ST14: variants seen among roughly 807,000 people sequenced by gnomAD.
ST14 encodes ST14 transmembrane serine protease matriptase, also known as suppressor of tumorigenicity 14 protein.
ST14 carries 40 observed loss-of-function variants against 96.5 expected under a neutral mutation model. The observed-to-expected ratio is 0.41, with a 90% CI of 0.32 to 0.54. The LOEUF is 0.54. ST14 is among the 20% of genes least tolerant of loss of function. The pLI is 0.17. For missense variants in ST14, 1,066 were observed against 1,188.9 expected, an observed-to-expected ratio of 0.90 and a Z score of 1.52; for synonymous variants, 506 against 492.1, an observed-to-expected ratio of 1.03 and a Z score of -0.37.
chr11:130,170,631 C>G (rs924319071), intron 1 of ST14, among the ~76,000 whole-genome samples: 1 of 151,740 alleles, frequency 6.6e-6, no homozygotes, highest in Non-Finnish European at 1.5e-5. Context: ...CCAGCCATTC[C>G]GAGCAGGCAG....
intron 7 of ST14, 136 bp from the exon 8 acceptor site, chr11:130,194,013 C>A: frequency 9.1e-7 from 1 of 1,103,224 alleles, no homozygotes; most frequent in Non-Finnish European, 1.4e-6. Flanking sequence ...CTTTTTGACT[C>A]CATTCTTGGC....
intron 9 of ST14, among the ~76,000 whole-genome samples, chr11:130,196,068 A>G (rs1462078418): frequency 6.8e-6 from 1 of 147,046 alleles, no homozygotes; most frequent in Non-Finnish European, 1.5e-5. Flanking sequence ...GATGAGGCAG[A>G]AGAATGGCGT....
intron 1 of ST14, among the ~76,000 whole-genome samples, chr11:130,183,793 T>C (rs1017692386): frequency 2.0e-5 from 3 of 152,218 alleles, no homozygotes; most frequent in Non-Finnish European, 4.4e-5. Flanking sequence ...GTTTCCAGTT[T>C]TTCATTGCTG....
chr11:130,159,901 G>T lies in ST14; in HGVS notation c.-79G>T, dbSNP rs1952985518. ...CGGAATCCCGCCGCCTGCGCCCCGC[G>T]CCCCGCGCCCTGCGGGCCATGGGAG... On this transcript the variant is annotated 5_prime_UTR_variant, in exon 1 of 19. Transcript: ENST00000278742. The T allele has an allele frequency of 1.1e-6, 1 of 903,426 alleles. No individual in the cohort carries two copies. Among genetic ancestry groups the T allele is most frequent in the Non-Finnish European group, 1.4e-6 (1 of 696,498 alleles). 56.0% of individuals were successfully genotyped at this position (903,426 alleles called of 1,614,324 possible). A position where few individuals can be genotyped will look rare whatever the true frequency, so the allele number is the denominator to read the frequency against.
chr11:130,197,791 G>C, intron 11 of ST14, 50 bp from the exon 12 acceptor site: 3 of 1,467,036 alleles, frequency 2.0e-6, no homozygotes, highest in Non-Finnish European at 2.8e-6. Context: ...GGGAGCCAGC[G>C]GAGGGAGGTG....
At chr11:130,200,288 C>A in intron 16 of ST14, 151 bp downstream of exon 16, 1 of 903,658 alleles carries the variant, frequency 1.1e-6, no homozygotes, top group Non-Finnish European at 1.7e-6. Context: ...ATACCTGAGA[C>A]TGGGTCATTT....
rs1037817074 is a variant in ST14, at chr11:130,183,034, G to A, written c.82-5080G>A. ...TGTAATGGCACGATTTTGGCTCACC[G>A]CAACCTCTGCCTCCTGGGTTCAAGC... On this transcript the variant is annotated intron_variant, in intron 1 of 18. Coordinates refer to ENST00000278742, the MANE Select transcript of ST14 (RefSeq NM_021978.4). Among the ~76,000 whole-genome samples the A allele has an allele frequency of 4.6e-5, 7 of 151,284 alleles. No individual in the cohort carries two copies. The East Asian group carries it at 7.8e-4, about 17-fold the overall frequency.
chr11:130,165,970 A>T (rs1953037710), intron 1 of ST14, among the ~76,000 whole-genome samples: 1 of 152,220 alleles, frequency 6.6e-6, no homozygotes, highest in Non-Finnish European at 1.5e-5. Flanking sequence ...AACTGCTAGA[A>T]CATGTTATTC....
rs561465723 is a variant in ST14, at chr11:130,194,475, C to T, written c.1016-165C>T. Among the ~76,000 whole-genome samples the T allele has an allele frequency of 2.6e-5, 4 of 152,338 alleles. No homozygotes were observed. The East Asian group carries it at 7.7e-4, about 29-fold the overall frequency. On this transcript the variant is annotated intron_variant, in intron 8 of 18. Coordinates refer to ENST00000278742, the MANE Select transcript of ST14 (RefSeq NM_021978.4). ...GCCGACCGCCTGGGTCAGGAGCCCT[C>T]CTGAAGCTTCGGCACCCGGCACCTG...
chr11:130,184,447 T>G (rs1283514374), intron 1 of ST14, among the ~76,000 whole-genome samples: 1 of 152,228 alleles, frequency 6.6e-6, no homozygotes, highest in African/African-American at 2.4e-5. Context: ...CAATACAATC[T>G]GTTTGGCTAT....
In ST14 at chr11:130,210,116, T is replaced by C; in HGVS notation, c.*293T>C. On this transcript the variant is annotated 3_prime_UTR_variant, in exon 19 of 19. Coordinates refer to ENST00000278742, the MANE Select transcript of ST14 (RefSeq NM_021978.4). The stretch of plus-strand genomic sequence containing the variant: ...CAGCCCCAAGCTGGGCCGAGGCGCG[T>C]TTGTGCATATCTGCCTCCCCTGTCT... The C allele has an allele frequency of 2.4e-6, 1 of 421,700 alleles. No individual in the cohort carries two copies. The highest frequency in any genetic ancestry group is 2.7e-5 in the South Asian group (1 of 36,866). The allele number at this position is 421,700 out of a possible 1,614,324, so 26.1% of individuals were successfully genotyped here.
intron 1 of ST14, among the ~76,000 whole-genome samples, chr11:130,161,892 C>T (rs896004630): frequency 2.0e-5 from 3 of 152,200 alleles, no homozygotes; most frequent in Non-Finnish European, 4.4e-5. Context: ...GAGACGAATG[C>T]CAAAGTTAGC....
chr11:130,208,629 C>G lies in ST14; in HGVS notation c.2214C>G (p.Val738=), dbSNP rs764559528. ...TCTGCCTGCCGGACGCCTCCCATGT[C>G]TTCCCTGCCGGCAAGGCCATCTGGG... ...RPICLPDASH[V]FPAGKAIWVT... Residue 738 remains valine (V), a synonymous_variant, in exon 17 of 19, where the codon GTC becomes GTG. Coordinates refer to ENST00000278742, the MANE Select transcript of ST14 (RefSeq NM_021978.4). 1.2e-6 allele frequency: 2 copies of G among 1,614,020 alleles called. No individual in the cohort carries two copies.
At chr11:130,162,842 A>C (rs1185047684) in intron 1 of ST14, among the ~76,000 whole-genome samples, 1 of 152,058 alleles carries the variant, frequency 6.6e-6, no homozygotes. Flanking sequence ...CAGGTCAGCA[A>C]ATTAGGGCTG....
chr11:130,194,197 C>T lies in ST14; in HGVS notation c.924C>T (p.Ser308=). ...CCTACAACCTGACCTTCCACTCCTC[C>T]CAGAACGTCCTGCTCATCACACTGA... ...PPSYNLTFHS[S]QNVLLITLIT... is the part of the protein sequence containing the mutation. Residue 308 remains serine, a synonymous_variant, in exon 8 of 19, where the codon TCC becomes TCT. Transcript: ENST00000278742. 3 of 1,614,226 alleles carry T rather than the reference C, an allele frequency of 1.9e-6. No homozygotes were observed. The highest frequency in any genetic ancestry group is 2.5e-6 in the Non-Finnish European group (3 of 1,180,040).
intron 1 of ST14, among the ~76,000 whole-genome samples, chr11:130,186,440 C>T (rs1361983809): frequency 6.6e-6 from 1 of 152,156 alleles, no homozygotes; most frequent in African/African-American, 2.4e-5. Context: ...TGAGAAAGGA[C>T]AGGCGGCTCC....
rs140209483 is a variant in ST14 at position 130,198,318 on chromosome 11, C to T, written c.1470C>T (p.Ala490=). 240 of 1,614,154 alleles carry T rather than the reference C, an allele frequency of 1.5e-4. No homozygotes were observed. In the African/African-American group the frequency reaches 2.3e-3, roughly 15 times the overall value. The change falls in exon 13 of 19, where the codon GCC becomes GCT. Residue 490 remains alanine, a synonymous_variant. Transcript: ENST00000278742. The part of the protein sequence containing the change: ...HSDELNCSCD[A]GHQFTCKNKF... ...CTTACCCCACTCCAGGTTGCGACGC[C>T]GGCCACCAGTTCACGTGCAAGAACA... is the stretch of plus-strand genomic sequence containing the variant.
intron 16 of ST14, among the ~76,000 whole-genome samples, chr11:130,202,272 A>G (rs966043060): frequency 6.6e-6 from 1 of 152,174 alleles, no homozygotes; most frequent in Non-Finnish European, 1.5e-5. Context: ...GCCAACGAGT[A>G]GTGCAATTAA....
At chr11:130,207,063 G>T (rs78980923) in intron 16 of ST14, among the ~76,000 whole-genome samples, 1 of 152,084 alleles carries the variant, frequency 6.6e-6, no homozygotes, top group Non-Finnish European at 1.5e-5. Flanking sequence ...TTGTGAGGCC[G>T]CATTGCTGTT....
Sources: allele counts gnomAD v4.1 joint callset (sites outside exome capture counted in the v4.1 genomes callset), GRCh38; gene constraint gnomAD v4.1.1; transcripts MANE v1.5; gene names NCBI Gene and HGNC (gene_info 2026-07-23, HGNC 2026-07-21).